The following ZDHHC13 variants were observed in gnomAD, a reference collection of about 807,000 sequenced individuals.
The protein encoded by ZDHHC13 is zDHHC palmitoyltransferase 13, also known as palmitoyltransferase ZDHHC13.
ZDHHC13 carries 85 observed loss-of-function variants against 86.0 expected under a neutral mutation model. That is an observed-to-expected ratio of 0.99 (90% CI 0.83 to 1.18). The LOEUF is 1.18. Among genes scored for constraint, ZDHHC13 ranks in the 50% most tolerant of loss-of-function variants. ZDHHC13 has a pLI of 0.00. For synonymous variants in ZDHHC13, 263 were observed against 246.4 expected, an observed-to-expected ratio of 1.07 and a Z score of -0.63; for missense variants, 711 against 730.2, an observed-to-expected ratio of 0.97 and a Z score of 0.30.
chr11:19,168,804 A>G (rs958518635), intron 14 of ZDHHC13: 1 of 985,290 alleles, frequency 1.0e-6, no homozygotes, highest in Non-Finnish European at 1.2e-6. Flanking sequence ...TACAGCCTCC[A>G]TCCATTTCAT....
chr11:19,117,154 C>G, upstream of ZDHHC13: 1 of 1,374,648 alleles, frequency 7.3e-7, no homozygotes, highest in Non-Finnish European at 1.0e-6. This position sits in a 1 kb window ranked among gnomAD's most constrained non-coding sequence, Gnocchi z 4.2. Flanking sequence ...AGGGCGCCAG[C>G]AGGAAGTGGG....
intron 2 of ZDHHC13, among the ~76,000 whole-genome samples, chr11:19,144,639 G>GCA (rs200663557): frequency 2.0e-5 from 3 of 151,788 alleles, no homozygotes; most frequent in African/African-American, 7.3e-5. Flanking sequence ...ACACACACAC[G>GCA]CACACACACA....
intron 4 of ZDHHC13, among the ~76,000 whole-genome samples, chr11:19,147,950 A>T (rs1428557462): frequency 4.6e-5 from 7 of 152,206 alleles, no homozygotes; most frequent in African/African-American, 1.7e-4. Context: ...TAAAAATAGT[A>T]GTTCAGTGAA....
Position 19,176,121 on chromosome 11 carries a change from A to G in ZDHHC13, c.*161A>G, listed in dbSNP as rs1294587599. The G allele has an allele frequency of 4.9e-6, 3 of 609,854 alleles. No homozygotes were observed. Among genetic ancestry groups the G allele is most frequent in the Middle Eastern group, 4.6e-4 (1 of 2,186 alleles). 37.8% of individuals were successfully genotyped at this position (609,854 alleles called of 1,614,324 possible). A position where few individuals can be genotyped will look rare whatever the true frequency, so the allele number is the denominator to read the frequency against. ...AAAAGTTCTCAATAAAGGCATTACA[A>G]TTTTTTAGGTTTAGAAAGATGGACT... On this transcript the variant is annotated 3_prime_UTR_variant, in exon 17 of 17. Transcript: ENST00000446113.
intron 10 of ZDHHC13, among the ~76,000 whole-genome samples, chr11:19,160,603 A>G (rs1230573390): frequency 1.3e-5 from 2 of 152,066 alleles, no homozygotes; most frequent in Middle Eastern, 3.4e-3. Flanking sequence ...ATAAATTTTT[A>G]AAATTTGAGA....
chr11:19,165,277 G>A, intron 13 of ZDHHC13, 132 bp downstream of exon 13: 1 of 789,782 alleles, frequency 1.3e-6, no homozygotes, highest in African/African-American at 1.7e-5. Flanking sequence ...ATGGGCCCAT[G>A]CATCGTTATT....
intron 1 of ZDHHC13, among the ~76,000 whole-genome samples, chr11:19,122,818 T>C (rs573869081): frequency 9.1e-4 from 139 of 152,374 alleles, no homozygotes; most frequent in African/African-American, 3.0e-3. Flanking sequence ...TAACATTTTC[T>C]CACATTACCT....
At chr11:19,138,845 C>G (rs1849224388) in intron 1 of ZDHHC13, among the ~76,000 whole-genome samples, 1 of 152,018 alleles carries the variant, frequency 6.6e-6, no homozygotes. Context: ...CAGAAAAGGC[C>G]TTTGAGAAAA....
Position 19,163,361 on chromosome 11 carries a change from C to A in ZDHHC13, c.1167C>A (p.Tyr389Ter). ...TTTTCAGCATAGTAGCCTTTCTATA[C>A]TTTTTCTATAAGACTTGGGCAACTG... is the stretch of plus-strand genomic sequence containing the variant. Reference protein sequence around the residue: ...SFIFSIVAFLYFFYKTWATDP... With the variant: ...SFIFSIVAFL Residue 389 changes from tyrosine (Y) to a stop codon, truncating the protein, a stop_gained, in exon 11 of 17, where the codon TAC (tyrosine) becomes TAA (stop). Coordinates refer to ENST00000446113, the MANE Select transcript of ZDHHC13 (RefSeq NM_019028.3). LOFTEE classifies it high-confidence loss of function. 2 of 1,608,068 alleles carry A rather than the reference C, an allele frequency of 1.2e-6. No homozygotes were observed. Among genetic ancestry groups the A allele is most frequent in the African/African-American group, 1.3e-5 (1 of 74,668 alleles).
chr11:19,144,432 AGTGTGTGTGT>A (rs142248923), intron 2 of ZDHHC13, among the ~76,000 whole-genome samples: 3,400 of 143,164 alleles, frequency 0.024, 91 homozygotes, highest in East Asian at 0.13. Flanking sequence ...AGAGCTATGG[AGTGTGTGTGT>A]GTGTGTGTGT....
chr11:19,175,108 G>C (rs1344149702), intron 16 of ZDHHC13, among the ~76,000 whole-genome samples: 1 of 152,052 alleles, frequency 6.6e-6, no homozygotes, highest in African/African-American at 2.4e-5. Context: ...GTTTAGGGAG[G>C]CCGGGTGCGG....
chr11:19,143,180 T>C (rs772767189), intron 2 of ZDHHC13, 57 bp downstream of exon 2: 11 of 1,533,424 alleles, frequency 7.2e-6, no homozygotes, highest in Non-Finnish European at 9.7e-6. Flanking sequence ...AATAGTAATA[T>C]ATGTGTAGTT....
At chr11:19,153,947 C>T (rs952605283) in intron 8 of ZDHHC13, among the ~76,000 whole-genome samples, 1 of 152,016 alleles carries the variant, frequency 6.6e-6, no homozygotes, top group African/African-American at 2.4e-5. Context: ...GAATCTGACC[C>T]CTTCTTACCA....
At chr11:19,167,185 T>C (rs1309738414) in intron 14 of ZDHHC13, 1 of 152,248 alleles carries the variant, frequency 6.6e-6, no homozygotes, top group Admixed American at 6.5e-5. Flanking sequence ...TTTGGAGAAT[T>C]GGGCTCTAAA....
At chr11:19,138,680 C>A (rs1157649314) in intron 1 of ZDHHC13, among the ~76,000 whole-genome samples, 8 of 149,426 alleles carry the variant, frequency 5.4e-5, no homozygotes, top group African/African-American at 2.0e-4. Context: ...TACTGGCAAA[C>A]CGAATCCAGC....
At chr11:19,130,743 G>C (rs887167851) in intron 1 of ZDHHC13, among the ~76,000 whole-genome samples, 1 of 151,970 alleles carries the variant, frequency 6.6e-6, no homozygotes, top group Non-Finnish European at 1.5e-5. Context: ...TAAAACTGTT[G>C]TGCTGTTGCT....
chr11:19,141,462 G>T (rs2133398012), intron 1 of ZDHHC13, among the ~76,000 whole-genome samples: 1 of 152,172 alleles, frequency 6.6e-6, no homozygotes, highest in Admixed American at 6.5e-5. Flanking sequence ...AGCATCATTT[G>T]TGCTAAAGAT....
At chr11:19,151,466 C>T (rs1169643238) in intron 6 of ZDHHC13, among the ~76,000 whole-genome samples, 1 of 151,914 alleles carries the variant, frequency 6.6e-6, no homozygotes, top group African/African-American at 2.4e-5. Context: ...ATGCTATTTC[C>T]TTTTTGTTCA....
intron 1 of ZDHHC13, among the ~76,000 whole-genome samples, chr11:19,141,032 T>A (rs1849304565): frequency 6.6e-6 from 1 of 151,334 alleles, no homozygotes; most frequent in South Asian, 2.1e-4. Flanking sequence ...AACCTGCACA[T>A]TGTGCACATG....
Sources: gnomAD v4.1 joint callset for allele counts (sites outside exome capture counted in the v4.1 genomes callset) on GRCh38, gnomAD v4.1.1 for gene constraint, Gnocchi (gnomAD v3.1) non-coding constraint, MANE v1.5 for transcripts, NCBI Gene and HGNC (gene_info 2026-07-23, HGNC 2026-07-21) for gene names.